NR5A2: variants seen among roughly 807,000 people sequenced by gnomAD.
NR5A2 encodes nuclear receptor subfamily 5 group A member 2, also known as CYP7A promoter-binding factor.
In NR5A2, 26 loss-of-function variants were observed where a neutral mutation model predicts 62.7. That is an observed-to-expected ratio of 0.41 (90% confidence interval 0.30 to 0.58). The LOEUF is 0.58. Among genes scored for constraint, NR5A2 ranks in the 20% least tolerant of loss-of-function variants. NR5A2 has a pLI of 0.22. For missense variants in NR5A2, 541 were observed against 669.1 expected (o/e 0.81, Z 2.11); for synonymous variants, 246 against 241.7 (o/e 1.02, Z -0.16).
intron 5 of NR5A2, among the ~76,000 whole-genome samples, chr1:200,088,837 A>G (rs1414340102): frequency 6.6e-6 from 1 of 152,160 alleles, no homozygotes; most frequent in East Asian, 1.9e-4. Context: ...AATCTTAAAC[A>G]TCATCAAGGA....
chr1:200,089,670 A>G lies in NR5A2; in HGVS notation c.1111-21532A>G, dbSNP rs184856401. ...TTTTTAGTAGAGATGGGGTTTTGCC[A>G]TGTTGCCCAGGCTGGTCTTGAACTC... is the stretch of plus-strand genomic sequence containing the variant. On this transcript the variant is annotated intron_variant, in intron 5 of 7. Coordinates refer to ENST00000367362, the MANE Select transcript of NR5A2 (RefSeq NM_205860.3). Among the ~76,000 whole-genome samples, 495 of 151,596 alleles carry G rather than the reference A, an allele frequency of 3.3e-3. 2 individuals are homozygous for G. Among genetic ancestry groups the G allele is most frequent in the Non-Finnish European group, 5.4e-3 (369 of 67,892 alleles).
At chr1:200,063,912 G>C (rs904589701) in intron 5 of NR5A2, among the ~76,000 whole-genome samples, 1 of 152,180 alleles carries the variant, frequency 6.6e-6, no homozygotes, top group Non-Finnish European at 1.5e-5. Flanking sequence ...ACTTTGGGAG[G>C]CTGAGGCAGG....
intron 7 of NR5A2, among the ~76,000 whole-genome samples, chr1:200,133,766 T>G (rs1242432930): frequency 6.6e-6 from 1 of 151,906 alleles, no homozygotes; most frequent in Non-Finnish European, 1.5e-5. Context: ...TCTTTATACC[T>G]ATGTATATAA....
In NR5A2 at chr1:200,174,071, T is replaced by A; in HGVS notation, c.1487T>A (p.Phe496Tyr). The change falls in exon 8 of 8, where the codon TTT becomes TAT. Residue 496 changes from phenylalanine (F) to tyrosine (Y), a missense_variant. By Grantham distance (22) the Phe-to-Tyr change is conservative. This residue lies in a region of NR5A2 where 379 missense variants were observed against 442.0 expected (regional missense o/e 0.86). Transcript: ENST00000367362. ...AACTACCCGCAGCAGACAGAGAAATTTGGACAGCTACTTCTTCGACTACCC... is the reference window on the plus strand; with the variant it reads ...AACTACCCGCAGCAGACAGAGAAATATGGACAGCTACTTCTTCGACTACCC... Reference protein sequence around the residue: ...MCNYPQQTEKFGQLLLRLPEI... With the variant: ...MCNYPQQTEKYGQLLLRLPEI... The A allele has an allele frequency of 6.2e-7, 1 of 1,613,534 alleles. No individual in the cohort carries two copies. The highest frequency in any genetic ancestry group is 1.1e-5 in the South Asian group (1 of 91,024).
intron 7 of NR5A2, among the ~76,000 whole-genome samples, chr1:200,164,325 G>T (rs1438208720): frequency 6.6e-6 from 1 of 152,150 alleles, no homozygotes; most frequent in Non-Finnish European, 1.5e-5. Context: ...TCTGGATTAT[G>T]ATCACCTCTG....
chr1:200,109,922 G>A (rs1193377673), intron 5 of NR5A2, among the ~76,000 whole-genome samples: 3 of 152,082 alleles, frequency 2.0e-5, no homozygotes, highest in South Asian at 2.1e-4. Flanking sequence ...GCACAACGAT[G>A]CCCAGCTAAT....
intron 5 of NR5A2, among the ~76,000 whole-genome samples, chr1:200,103,410 G>A (rs1665491108): frequency 2.0e-5 from 3 of 152,118 alleles, no homozygotes; most frequent in South Asian, 2.1e-4. Context: ...GTGAGCCACC[G>A]TGCCTGGCCT....
intron 7 of NR5A2, among the ~76,000 whole-genome samples, chr1:200,168,970 C>G (rs958930250): frequency 5.3e-5 from 8 of 152,130 alleles, no homozygotes; most frequent in African/African-American, 1.9e-4. Context: ...TCTCTAAAGA[C>G]CTCAAGGAAA....
intron 5 of NR5A2, among the ~76,000 whole-genome samples, chr1:200,070,728 A>G (rs1663703161): frequency 6.6e-6 from 1 of 151,494 alleles, no homozygotes; most frequent in Non-Finnish European, 1.5e-5. Context: ...ACTTTTAATC[A>G]AAAATCTGTT....
intron 5 of NR5A2, among the ~76,000 whole-genome samples, chr1:200,096,336 T>G (rs537549746): frequency 1.3e-5 from 2 of 152,112 alleles, no homozygotes; most frequent in Admixed American, 1.3e-4. Flanking sequence ...GATCTACCTA[T>G]GTCAGCCTCC....
intron 7 of NR5A2, among the ~76,000 whole-genome samples, chr1:200,170,986 C>T (rs1025460389): frequency 6.6e-6 from 1 of 152,168 alleles, no homozygotes; most frequent in African/African-American, 2.4e-5. Flanking sequence ...CAAGGAGTTA[C>T]CGGTGTATTC....
intron 5 of NR5A2, among the ~76,000 whole-genome samples, chr1:200,054,401 CAA>C (rs1662816316): frequency 1.3e-5 from 2 of 151,142 alleles, no homozygotes. Context: ...CTCACAAACA[CAA>C]GAGCAGTGAG....
At chr1:200,106,975 G>T (rs1259688378) in intron 5 of NR5A2, among the ~76,000 whole-genome samples, 3 of 152,118 alleles carry the variant, frequency 2.0e-5, no homozygotes, top group African/African-American at 7.2e-5. Flanking sequence ...TGGAATGTTG[G>T]CATAGAAAAC....
At chr1:200,133,355 ATCCATAAAGGTCAGTGTG>A (rs1667051201) in intron 7 of NR5A2, among the ~76,000 whole-genome samples, 1 of 151,912 alleles carries the variant, frequency 6.6e-6, no homozygotes, top group South Asian at 2.1e-4. Context: ...GCTCTGTGCC[ATCCATAAAGGTCAGTGTG>A]TCCTGAGTGG....
At chr1:200,075,396 A>G (rs376305167) in intron 5 of NR5A2, among the ~76,000 whole-genome samples, 3 of 152,268 alleles carry the variant, frequency 2.0e-5, no homozygotes, top group African/African-American at 4.8e-5. Context: ...CAGAATTACC[A>G]TTGTGAATAA....
At chr1:200,123,806 GTT>G (rs34010101) in intron 7 of NR5A2, among the ~76,000 whole-genome samples, 4 of 135,834 alleles carry the variant, frequency 2.9e-5, no homozygotes, top group East Asian at 4.2e-4. Context: ...TTTAGAGGTG[GTT>G]TTTTTTTTTT....
At chr1:200,110,830 A>G (rs1212968449) in intron 5 of NR5A2, among the ~76,000 whole-genome samples, 1 of 152,302 alleles carries the variant, frequency 6.6e-6, no homozygotes, top group African/African-American at 2.4e-5. Flanking sequence ...ATACATAAGC[A>G]TAGGCAATCT....
At chr1:200,036,341 A>G (rs923000902) in intron 1 of NR5A2, among the ~76,000 whole-genome samples, 4 of 152,200 alleles carry the variant, frequency 2.6e-5, no homozygotes, top group East Asian at 1.9e-4. Flanking sequence ...GACCCGTCCA[A>G]GGTCACTGAG....
intron 3 of NR5A2, 59 bp from the exon 4 acceptor site, chr1:200,045,384 C>T: frequency 1.4e-6 from 2 of 1,440,706 alleles, no homozygotes; most frequent in Non-Finnish European, 1.9e-6. Context: ...TAAAATGAAA[C>T]AATGGAAAAG....
Sources: allele counts gnomAD v4.1 joint callset (sites outside exome capture counted in the v4.1 genomes callset), GRCh38; gene constraint gnomAD v4.1.1; regional missense constraint gnomAD v4.1.1; transcripts MANE v1.5; gene names NCBI Gene and HGNC (gene_info 2026-07-23, HGNC 2026-07-21).